Variants in DENND2A observed in about 807,000 individuals in gnomAD.
DENND2A encodes DENN domain containing 2A, also known as DENN domain-containing protein 2A.
DENND2A carries 53 observed loss-of-function variants against 105.3 expected under a neutral mutation model. That is an observed-to-expected ratio of 0.50 (90% CI 0.40 to 0.63). DENND2A has a LOEUF of 0.63. Ranked by LOEUF, DENND2A falls within the 30% of genes least tolerant of loss-of-function variation. The pLI, the probability that DENND2A is intolerant of heterozygous loss-of-function variation, is 0.00. For synonymous variants in DENND2A, 522 were observed against 508.4 expected (o/e 1.03, Z -0.36); for missense variants, 1,138 against 1,279.6 (o/e 0.89, Z 1.69).
intron 14 of DENND2A, among the ~76,000 whole-genome samples, chr7:140,534,874 T>C (rs1796405080): frequency 6.6e-6 from 1 of 152,116 alleles, no homozygotes; most frequent in African/African-American, 2.4e-5. Context: ...AAGGCCCCAG[T>C]GGGAGGTTGG....
At position 140,527,337 on chromosome 7, in the gene DENND2A, C is replaced by A; in HGVS notation, c.2486G>T (p.Arg829Met). The part of the protein sequence containing the change: ...GLLSSSLPLL[R>M]ELPLEEVLVV... Reference sequence around the variant, plus strand: ...GCTCACCTCTTCCAGCGGCAGCTCCCTGAGCAGTGGCAGCGAGCTGGAGAG... The same window carrying A: ...GCTCACCTCTTCCAGCGGCAGCTCCATGAGCAGTGGCAGCGAGCTGGAGAG... The change falls in exon 15 of 20, where the codon AGG becomes ATG. Residue 829 changes from arginine (R) to methionine (M), a missense_variant. Arg to Met is a moderately conservative substitution (Grantham distance 91, BLOSUM62 -1). This residue lies in a region of DENND2A where 627 missense variants were observed against 779.8 expected (regional missense o/e 0.80). Transcript: ENST00000496613. This position sits in a 1 kb window ranked among gnomAD's most constrained non-coding sequence, Gnocchi z 4.9. The A allele has an allele frequency of 6.3e-7, 1 of 1,593,250 alleles. No individual in the cohort carries two copies. The highest frequency in any genetic ancestry group is 8.5e-7 in the Non-Finnish European group (1 of 1,171,802).
At position 140,601,536 on chromosome 7, in the gene DENND2A, C is replaced by T. The variant is rs375363340; in HGVS notation, c.862G>A (p.Gly288Ser). 53 of 1,614,036 alleles carry T rather than the reference C, an allele frequency of 3.3e-5. No individual in the cohort carries two copies. The highest frequency in any genetic ancestry group is 8.9e-5 in the East Asian group (4 of 44,892). ...AGATTTCTTTTCTCTTTCCTGAAGC[C>T]GATGCCAGGCTTCCCATCTTTGTCC... ...EGDKDGKPGI[G>S]FRKEKRNLPP... Residue 288 changes from glycine (G) to serine (S), a missense_variant, in exon 3 of 20, where the codon GGC becomes AGC. Physicochemically the swap from Gly to Ser is moderately conservative, Grantham distance 56. This residue lies in a region of DENND2A where 511 missense variants were observed against 499.9 expected (regional missense o/e 1.02). Transcript: ENST00000496613.
chr7:140,521,371 T>A (rs1464197892), intron 18 of DENND2A, among the ~76,000 whole-genome samples: 1 of 152,018 alleles, frequency 6.6e-6, no homozygotes, highest in East Asian at 1.9e-4. Context: ...CCTCCCAGGC[T>A]CAAGTGATCC....
intron 9 of DENND2A, among the ~76,000 whole-genome samples, chr7:140,562,400 G>A (rs995122538): frequency 7.9e-5 from 12 of 151,852 alleles, no homozygotes; most frequent in Admixed American, 6.6e-4. Flanking sequence ...GGTGGCTCAC[G>A]CCTGTAATCC....
Position 140,567,304 on chromosome 7 carries a change from A to AAGAGAGAG in DENND2A, c.1592-39_1592-32dup, listed in dbSNP as rs60964847. 2.7e-3 allele frequency: 1,778 copies of AAGAGAGAG among 659,312 alleles called. 29 individuals are homozygous for AAGAGAGAG. In the African/African-American group the frequency reaches 0.031, roughly 11 times the overall value. 40.8% of individuals were successfully genotyped at this position (659,312 alleles called of 1,614,324 possible). A position where few individuals can be genotyped will look rare whatever the true frequency, so the allele number is the denominator to read the frequency against. ...TGAGGGAGGGAGAGAGAAAGAGAGAAAGAGAGAGAGAGAGAGAGAGAGAGA... is the reference window on the plus strand; with the variant it reads ...TGAGGGAGGGAGAGAGAAAGAGAGAAAGAGAGAGAGAGAGAGAGAGAGAGAGAGAGAGA... On this transcript the variant is annotated intron_variant, in intron 8 of 19. Transcript: ENST00000496613.
chr7:140,620,402 T>C (rs1002149556), intron 1 of DENND2A, among the ~76,000 whole-genome samples: 5 of 150,374 alleles, frequency 3.3e-5, no homozygotes, highest in Admixed American at 2.7e-4. Context: ...CAAAAGAAAA[T>C]GACTGGAAGT....
At chr7:140,547,714 G>T (rs996935014) in intron 12 of DENND2A, among the ~76,000 whole-genome samples, 4 of 152,302 alleles carry the variant, frequency 2.6e-5, no homozygotes, top group Non-Finnish European at 5.9e-5. Flanking sequence ...ATTCATAATA[G>T]CCACAACACA....
At chr7:140,566,683 TA>T (rs1183580937) in intron 9 of DENND2A, among the ~76,000 whole-genome samples, 1 of 125,176 alleles carries the variant, frequency 8.0e-6, no homozygotes, top group Non-Finnish European at 1.6e-5. Context: ...CTGGCCATAC[TA>T]TTTTTTTTTT....
intron 14 of DENND2A, among the ~76,000 whole-genome samples, chr7:140,541,734 GAGGGC>G (rs1796667719): frequency 2.6e-5 from 4 of 152,346 alleles, no homozygotes; most frequent in African/African-American, 9.6e-5. Context: ...GGCTTACAGA[GAGGGC>G]CTGCTTCCTG....
intron 1 of DENND2A, among the ~76,000 whole-genome samples, chr7:140,607,905 C>T (rs1799751570): frequency 6.6e-6 from 1 of 152,164 alleles, no homozygotes; most frequent in South Asian, 2.1e-4. Context: ...GCAGGATGCA[C>T]CGAAGGACTC....
chr7:140,520,131 C>G (rs555461610), intron 18 of DENND2A, among the ~76,000 whole-genome samples: 1 of 151,964 alleles, frequency 6.6e-6, no homozygotes. Context: ...TGGTGAAACC[C>G]TCTTTCTACT....
At chr7:140,550,381 G>T (rs1797079825) in intron 12 of DENND2A, among the ~76,000 whole-genome samples, 1 of 152,022 alleles carries the variant, frequency 6.6e-6, no homozygotes, top group African/African-American at 2.4e-5. Context: ...TTTTGAGCCT[G>T]AGTTTCGCTG....
In DENND2A at chr7:140,569,790, G is replaced by A. The variant is rs552610551; in HGVS notation, c.1447-52C>T. 141 of 1,319,468 alleles carry A rather than the reference G, an allele frequency of 1.1e-4. 3 individuals carry two copies. In the South Asian group the frequency reaches 1.2e-3, roughly 11 times the overall value. 81.7% of individuals were successfully genotyped at this position (1,319,468 alleles called of 1,614,324 possible). A position where few individuals can be genotyped will look rare whatever the true frequency, so the allele number is the denominator to read the frequency against. ...CAGTGTTAGCAGCCCACTCTCTGTG[G>A]CAGCTGGGCTTCCCTCACTGCCCCT... On this transcript the variant is annotated intron_variant, in intron 6 of 19. Transcript: ENST00000496613.
intron 1 of DENND2A, among the ~76,000 whole-genome samples, chr7:140,611,777 C>T (rs1226539074): frequency 6.6e-6 from 1 of 152,096 alleles, no homozygotes; most frequent in Non-Finnish European, 1.5e-5. Context: ...TTCACAGAGA[C>T]GGATGGTAGA....
At chr7:140,532,983 G>T in intron 14 of DENND2A, among the ~76,000 whole-genome samples, 1 of 147,612 alleles carries the variant, frequency 6.8e-6, no homozygotes, top group Admixed American at 6.9e-5. Context: ...CAAAGAAAAG[G>T]CTACCTGCTT....
intron 1 of DENND2A, among the ~76,000 whole-genome samples, chr7:140,619,410 T>A (rs896623701): frequency 2.0e-5 from 3 of 152,054 alleles, no homozygotes; most frequent in Non-Finnish European, 2.9e-5. Flanking sequence ...TGCTGACAGG[T>A]TTGCATTTCT....
At chr7:140,589,632 G>A (rs949790238) in intron 3 of DENND2A, among the ~76,000 whole-genome samples, 4 of 152,142 alleles carry the variant, frequency 2.6e-5, no homozygotes, top group East Asian at 3.9e-4. Flanking sequence ...CATGGCGAGA[G>A]CTCTATTTAT....
chr7:140,616,069 A>G (rs1056522335), intron 1 of DENND2A, among the ~76,000 whole-genome samples: 9 of 152,172 alleles, frequency 5.9e-5, no homozygotes, highest in African/African-American at 2.2e-4. Context: ...AAGAAATTTC[A>G]GAATAGGCCA....
At position 140,535,223 on chromosome 7, in the gene DENND2A, T is replaced by A. The variant is rs1355224493; in HGVS notation, c.2328-7728A>T. ...GGAACTGGAAGGCTGATTCAGTGAA[T>A]GCCCTTTAGTATCCCAAGCAAAGTA... On this transcript the variant is annotated intron_variant, in intron 14 of 19. Transcript: ENST00000496613. Among the ~76,000 whole-genome samples the A allele has an allele frequency of 2.6e-5, 4 of 152,200 alleles. No individual in the cohort carries two copies. In the South Asian group the frequency reaches 8.3e-4, roughly 31 times the overall value.
Sources: gnomAD v4.1 joint callset for allele counts (sites outside exome capture counted in the v4.1 genomes callset) on GRCh38, gnomAD v4.1.1 for gene constraint, gnomAD v4.1.1 regional missense constraint, Gnocchi (gnomAD v3.1) non-coding constraint, MANE v1.5 for transcripts, NCBI Gene and HGNC (gene_info 2026-07-23, HGNC 2026-07-21) for gene names.